The following MIDEAS variants were observed in gnomAD, a reference collection of about 807,000 sequenced individuals.
MIDEAS encodes mitotic deacetylase associated SANT domain protein.
MIDEAS carries 26 observed loss-of-function variants against 102.7 expected under a neutral mutation model. The observed-to-expected ratio is 0.25, with a 90% CI of 0.19 to 0.35. The LOEUF is 0.35. Among genes scored for constraint, MIDEAS ranks in the 10% least tolerant of loss-of-function variants. The probability of loss-of-function intolerance (pLI) is 1.00; values close to 1 mark genes in which losing one functional copy is unlikely to be tolerated. For synonymous variants in MIDEAS, 585 were observed against 591.0 expected (o/e 0.99, Z 0.15); for missense variants, 1,231 against 1,435.6 (o/e 0.86, Z 2.30).
rs118177106 is a variant in MIDEAS at position 73,721,041 on chromosome 14, G to A, written c.2937+256C>T. On this transcript the variant is annotated intron_variant, in intron 11 of 12. Transcript: ENST00000423556. The stretch of plus-strand genomic sequence containing the variant: ...CAGTAGAGTATAAAAATTAATCGCA[G>A]ACTCTGGATTCAGGCTGCCTACTAG... Among the ~76,000 whole-genome samples the A allele has an allele frequency of 1.3e-3, 193 of 152,226 alleles. 3 individuals are homozygous for A. The highest frequency in any genetic ancestry group is 5.0e-3 in the East Asian group (26 of 5,182).
intron 10 of MIDEAS, among the ~76,000 whole-genome samples, chr14:73,721,891 T>C: frequency 6.6e-6 from 1 of 152,186 alleles, no homozygotes; most frequent in East Asian, 1.9e-4. Flanking sequence ...ACTACCTTCC[T>C]GCCTGCAAAA....
At chr14:73,734,219 G>A (rs991196346) in intron 3 of MIDEAS, among the ~76,000 whole-genome samples, 2 of 152,176 alleles carry the variant, frequency 1.3e-5, no homozygotes, top group East Asian at 1.9e-4. Context: ...TCTTGACCTC[G>A]TGATCCGCCC....
At chr14:73,747,576 G>GTC (rs1010020602) in intron 1 of MIDEAS, among the ~76,000 whole-genome samples, 7 of 151,962 alleles carry the variant, frequency 4.6e-5, no homozygotes, top group African/African-American at 1.7e-4. Flanking sequence ...CCCAAACCAG[G>GTC]TCTCTCTCTG....
rs947110187 is a variant in MIDEAS at position 73,727,472 on chromosome 14, T to C, written c.2148A>G (p.Pro716=). The C allele has an allele frequency of 3.4e-5, 55 of 1,613,794 alleles. No individual in the cohort carries two copies. The highest frequency in any genetic ancestry group is 4.7e-5 in the Non-Finnish European group (55 of 1,179,962). The stretch of plus-strand genomic sequence containing the variant: ...GCTGCACTTACGGCTCGATGCTCAC[T>C]GGGGTGGCCTCCCCCATCACAGAGA... ...PVLSVMGEAT[P]VSIEPRINVG... The change falls in exon 5 of 13, where the codon CCA becomes CCG. Residue 716 remains proline, a synonymous_variant. Transcript: ENST00000423556.
At chr14:73,783,240 G>T (rs757927309) in intron 1 of MIDEAS, among the ~76,000 whole-genome samples, 1 of 152,160 alleles carries the variant, frequency 6.6e-6, no homozygotes, top group Non-Finnish European at 1.5e-5. Flanking sequence ...TGATGTTGCT[G>T]GAGTCCCGGG....
At chr14:73,777,207 C>T (rs541601163) in intron 1 of MIDEAS, among the ~76,000 whole-genome samples, 1 of 152,072 alleles carries the variant, frequency 6.6e-6, no homozygotes, top group African/African-American at 2.4e-5. Flanking sequence ...GTTCAGTACC[C>T]ATTCTGGAAG....
chr14:73,725,913 C>T lies in MIDEAS; in HGVS notation c.2485+120G>A, dbSNP rs1595254799. On this transcript the variant is annotated intron_variant, in intron 8 of 12. Coordinates refer to ENST00000423556, the MANE Select transcript of MIDEAS (RefSeq NM_001367710.1). This position sits in a 1 kb window ranked among gnomAD's most constrained non-coding sequence, Gnocchi z 4.1. ...GCAGTTCCCTCACTCTGACTCTTGGCTTATCTACCCTCCTCCTCCCGCCCC... is the reference window on the plus strand; with the variant it reads ...GCAGTTCCCTCACTCTGACTCTTGGTTTATCTACCCTCCTCCTCCCGCCCC... 11 of 865,592 alleles carry T rather than the reference C, an allele frequency of 1.3e-5. No individual in the cohort carries two copies. In the East Asian group the frequency reaches 2.9e-4, roughly 23 times the overall value. The allele number at this position is 865,592 out of a possible 1,614,324, so 53.6% of individuals were successfully genotyped here. A position where few individuals can be genotyped will look rare whatever the true frequency, so the allele number is the denominator to read the frequency against.
intron 1 of MIDEAS, among the ~76,000 whole-genome samples, chr14:73,776,267 G>A (rs2053687666): frequency 6.6e-6 from 1 of 152,006 alleles, no homozygotes; most frequent in Non-Finnish European, 1.5e-5. Flanking sequence ...CACTGGGATG[G>A]TCAGATTCCA....
Position 73,719,407 on chromosome 14 carries a change from T to C in MIDEAS, c.3032A>G (p.Lys1011Arg). 6.2e-7 allele frequency: 1 copy of C among 1,614,112 alleles called. No individual in the cohort carries two copies. ...TGAAAAAGGTAGTGCCCTTCGTGAC[T>C]TCCCTGTCCCTTCCCTTGGCTTCTC... ...ASEKPREGTG[K>R]SRRALPFSEK... Residue 1011 changes from lysine (K) to arginine (R), a missense_variant, in exon 12 of 13, where the codon AAG becomes AGG. Lys to Arg is a conservative substitution (Grantham distance 26). Around this residue, in one of 5 missense-constraint regions of MIDEAS, gnomAD observed 391 missense variants for 483.0 expected, o/e 0.81. Coordinates refer to ENST00000423556, the MANE Select transcript of MIDEAS (RefSeq NM_001367710.1).
chr14:73,775,695 A>C (rs936406875), intron 1 of MIDEAS, among the ~76,000 whole-genome samples: 1 of 152,102 alleles, frequency 6.6e-6, no homozygotes. Flanking sequence ...CTTTTAAGGA[A>C]AATTAATTCC....
intron 1 of MIDEAS, among the ~76,000 whole-genome samples, chr14:73,781,101 T>C (rs935459241): frequency 2.6e-5 from 4 of 152,236 alleles, no homozygotes; most frequent in African/African-American, 7.2e-5. Flanking sequence ...AAATGGAGAA[T>C]GGGGTTTGTG....
At chr14:73,751,630 G>A (rs1044926373) in intron 1 of MIDEAS, among the ~76,000 whole-genome samples, 7 of 152,182 alleles carry the variant, frequency 4.6e-5, no homozygotes, top group African/African-American at 1.2e-4. Context: ...CGGATGCAGC[G>A]GCTCCCGTTT....
At chr14:73,756,087 C>G (rs953958286) in intron 1 of MIDEAS, among the ~76,000 whole-genome samples, 2 of 152,160 alleles carry the variant, frequency 1.3e-5, no homozygotes, top group Non-Finnish European at 2.9e-5. Context: ...CTCATTCCCA[C>G]GCACCCATCA....
intron 1 of MIDEAS, among the ~76,000 whole-genome samples, chr14:73,770,510 G>C (rs1002170437): frequency 3.3e-5 from 5 of 152,152 alleles, no homozygotes; most frequent in Non-Finnish European, 7.4e-5. Context: ...AACCGGGAGA[G>C]GAGGGATTGT....
At chr14:73,733,689 G>T (rs144153470) in intron 3 of MIDEAS, among the ~76,000 whole-genome samples, 1 of 152,268 alleles carries the variant, frequency 6.6e-6, no homozygotes, top group East Asian at 1.9e-4. Context: ...AGCCAAGGAT[G>T]CATGTTTTCT....
At chr14:73,735,019 C>T (rs1351406681) in intron 3 of MIDEAS, among the ~76,000 whole-genome samples, 1 of 152,098 alleles carries the variant, frequency 6.6e-6, no homozygotes, top group East Asian at 1.9e-4. Flanking sequence ...TAAGTAATTA[C>T]ATTAAATGCA....
At chr14:73,763,562 A>G (rs766031644), upstream of MIDEAS, among the ~76,000 whole-genome samples, 7 of 152,058 alleles carry the variant, frequency 4.6e-5, no homozygotes, top group Admixed American at 1.3e-4. Flanking sequence ...TCCTCCCCCA[A>G]TGAGGCCAGC....
chr14:73,749,224 C>A (rs1341339400), intron 1 of MIDEAS, among the ~76,000 whole-genome samples: 2 of 152,124 alleles, frequency 1.3e-5, no homozygotes, highest in African/African-American at 2.4e-5. Flanking sequence ...TGTAGGTGAA[C>A]TGTTTTTTTG....
In MIDEAS at chr14:73,725,940, AC is replaced by A; in HGVS notation, c.2485+92del. ...TATCTACCCTCCTCCTCCCGCCCCC[AC>A]CCAGGGCTGTGACTCAGCACTGAGC... is the stretch of plus-strand genomic sequence containing the variant. On this transcript the variant is annotated intron_variant, in intron 8 of 12. Coordinates refer to ENST00000423556, the MANE Select transcript of MIDEAS (RefSeq NM_001367710.1). This position sits in a 1 kb window ranked among gnomAD's most constrained non-coding sequence, Gnocchi z 4.1. 8.8e-7 allele frequency: 1 copy of A among 1,133,642 alleles called. No homozygotes were observed. The highest frequency in any genetic ancestry group is 1.3e-5 in the South Asian group (1 of 75,374). 70.2% of individuals were successfully genotyped at this position (1,133,642 alleles called of 1,614,324 possible).
Sources: gnomAD v4.1 joint callset for allele counts (sites outside exome capture counted in the v4.1 genomes callset) on GRCh38, gnomAD v4.1.1 for gene constraint, gnomAD v4.1.1 regional missense constraint, Gnocchi (gnomAD v3.1) non-coding constraint, MANE v1.5 for transcripts, NCBI Gene and HGNC (gene_info 2026-07-23, HGNC 2026-07-21) for gene names.